HOOK3: variants seen among roughly 807,000 people sequenced by gnomAD.
HOOK3 encodes the protein protein Hook homolog 3.
In HOOK3, 24 loss-of-function variants were observed where a neutral mutation model predicts 116.3. The ratio of observed to expected loss-of-function variants is 0.21; its 90% CI spans 0.15 to 0.29. The LOEUF is 0.29. HOOK3 is among the 10% of genes least tolerant of loss of function. The pLI, the probability that HOOK3 is intolerant of heterozygous loss-of-function variation, is 1.00. For synonymous variants in HOOK3, 275 were observed against 283.0 expected, an observed-to-expected ratio of 0.97 and a Z score of 0.28; for missense variants, 632 against 830.2, an observed-to-expected ratio of 0.76 and a Z score of 2.93.
chr8:42,941,938 T>C (rs1346238215), intron 4 of HOOK3, among the ~76,000 whole-genome samples: 1 of 152,182 alleles, frequency 6.6e-6, no homozygotes, highest in Non-Finnish European at 1.5e-5. Flanking sequence ...TGACTTAGCA[T>C]AGAGGGCTTC....
chr8:43,013,691 C>T (rs1809655137), intron 21 of HOOK3, among the ~76,000 whole-genome samples: 1 of 152,088 alleles, frequency 6.6e-6, no homozygotes, highest in African/African-American at 2.4e-5. Context: ...ACATTAATAC[C>T]ATCTAAACAC....
At chr8:42,923,457 T>A (rs1807703043) in intron 2 of HOOK3, among the ~76,000 whole-genome samples, 1 of 152,140 alleles carries the variant, frequency 6.6e-6, no homozygotes, top group South Asian at 2.1e-4. Flanking sequence ...ATGTGATATA[T>A]CTATAAATGG....
At chr8:42,974,790 C>T (rs1808789281) in intron 13 of HOOK3, among the ~76,000 whole-genome samples, 2 of 152,288 alleles carry the variant, frequency 1.3e-5, no homozygotes, top group South Asian at 2.1e-4. Context: ...AAAAGCAGTT[C>T]GTCTTAGAAA....
intron 14 of HOOK3, among the ~76,000 whole-genome samples, chr8:42,986,446 G>A (rs1041410403): frequency 3.9e-5 from 6 of 152,184 alleles, no homozygotes; most frequent in Non-Finnish European, 5.9e-5. Context: ...TTTAGAGACT[G>A]TATTATTTCT....
In HOOK3 at chr8:43,028,915, T is replaced by TA. The variant is rs1023722966; in HGVS notation, c.*10418dup. On this transcript the variant is annotated 3_prime_UTR_variant, in exon 22 of 22. Transcript: ENST00000307602. ...CAGCAGTGTCGAATTCCAAGCAAGT[T>TA]ATGATGATTCTTATTGTAGTTCAAG... 1.5e-5 allele frequency: 3 copies of TA among 202,650 alleles called. No homozygotes were observed. The highest frequency in any genetic ancestry group is 7.0e-5 in the African/African-American group (3 of 42,886). The allele number at this position is 202,650 out of a possible 1,614,324, so 12.6% of individuals were successfully genotyped here.
chr8:42,987,510 G>A (rs929354712), intron 15 of HOOK3, among the ~76,000 whole-genome samples: 1 of 152,220 alleles, frequency 6.6e-6, no homozygotes, highest in African/African-American at 2.4e-5. Context: ...CTCTGTTGGT[G>A]TGGGGAGAGC....
chr8:42,946,558 C>T (rs1031453634), intron 5 of HOOK3, among the ~76,000 whole-genome samples: 5 of 151,866 alleles, frequency 3.3e-5, no homozygotes, highest in African/African-American at 1.2e-4. Flanking sequence ...CTTGTTTCCC[C>T]ACTGTTTACC....
chr8:43,016,697 A>G (rs577709789), intron 21 of HOOK3, among the ~76,000 whole-genome samples: 84 of 152,382 alleles, frequency 5.5e-4, no homozygotes, highest in Middle Eastern at 6.8e-3. Flanking sequence ...TAAATAAAAT[A>G]CAAATTTTTA....
intron 8 of HOOK3, 50 bp downstream of exon 8, chr8:42,959,364 T>A (rs1254063677): frequency 8.6e-7 from 1 of 1,159,772 alleles, no homozygotes; most frequent in Non-Finnish European, 1.3e-6. Context: ...CCACTGTAAA[T>A]ACCACCAAAT....
chr8:42,962,279 T>G (rs1027707384), intron 8 of HOOK3, among the ~76,000 whole-genome samples: 1 of 151,076 alleles, frequency 6.6e-6, no homozygotes, highest in Non-Finnish European at 1.5e-5. Context: ...TTTTTTTTTT[T>G]TGGTAGAAAT....
intron 16 of HOOK3, among the ~76,000 whole-genome samples, chr8:43,001,627 T>TA (rs1809382807): frequency 6.6e-6 from 1 of 152,002 alleles, no homozygotes. Flanking sequence ...CACATTCCCA[T>TA]ACCACTGCAT....
intron 1 of HOOK3, among the ~76,000 whole-genome samples, chr8:42,902,701 A>G (rs192531998): frequency 1.3e-5 from 2 of 152,306 alleles, no homozygotes; most frequent in African/African-American, 2.4e-5. Context: ...ACACCCTTCT[A>G]TAGGCTATTT....
intron 2 of HOOK3, among the ~76,000 whole-genome samples, chr8:42,924,055 T>C (rs531000966): frequency 1.3e-5 from 2 of 152,336 alleles, no homozygotes; most frequent in South Asian, 2.1e-4. Context: ...ATTGTGTATT[T>C]ATCAGTATGA....
chr8:42,918,959 G>A (rs1185886228), intron 2 of HOOK3, among the ~76,000 whole-genome samples: 3 of 152,288 alleles, frequency 2.0e-5, no homozygotes, highest in Middle Eastern at 3.4e-3. Flanking sequence ...GGTGGCGGCC[G>A]GGCAGAGGGG....
chr8:42,924,870 G>A (rs941548518), intron 2 of HOOK3, among the ~76,000 whole-genome samples: 2 of 151,768 alleles, frequency 1.3e-5, no homozygotes, highest in Non-Finnish European at 2.9e-5. Flanking sequence ...CTACTTGGGA[G>A]GCTGAGGCGG....
At chr8:42,920,325 T>C (rs1233558938) in intron 2 of HOOK3, among the ~76,000 whole-genome samples, 3 of 152,204 alleles carry the variant, frequency 2.0e-5, no homozygotes, top group African/African-American at 7.2e-5. Flanking sequence ...ATTACTGAAA[T>C]TGTAAAGTAC....
chr8:43,012,980 C>G (rs1304072193), intron 19 of HOOK3, 71 bp from the exon 20 acceptor site: 1 of 880,692 alleles, frequency 1.1e-6, no homozygotes, highest in African/African-American at 1.7e-5. Flanking sequence ...AAAAAATAGT[C>G]ATTCTTTTCT....
rs921005330 is a variant in HOOK3, at chr8:43,027,486, A to G, written c.*8988A>G. On this transcript the variant is annotated 3_prime_UTR_variant, in exon 22 of 22. Transcript: ENST00000307602. ...TCTCTTCTACCTTACCCCCTGTTCT[A>G]CTGACGTGCTTTGCATGAGAAGCTC... is the stretch of plus-strand genomic sequence containing the variant. The G allele has an allele frequency of 7.2e-5, 33 of 455,220 alleles. No homozygotes were observed. The highest frequency in any genetic ancestry group is 1.3e-4 in the Non-Finnish European group (30 of 234,290). 28.2% of individuals were successfully genotyped at this position (455,220 alleles called of 1,614,324 possible).
intron 2 of HOOK3, among the ~76,000 whole-genome samples, chr8:42,919,281 G>A (rs1432444876): frequency 6.6e-6 from 1 of 151,636 alleles, no homozygotes; most frequent in Non-Finnish European, 1.5e-5. Context: ...CGGCCAGTCA[G>A]AGACGCTCCT....
Sources: allele counts gnomAD v4.1 joint callset (sites outside exome capture counted in the v4.1 genomes callset), GRCh38; gene constraint gnomAD v4.1.1; transcripts MANE v1.5; gene names NCBI Gene and HGNC (gene_info 2026-07-23, HGNC 2026-07-21).